FMO5: variants seen among roughly 807,000 people sequenced by gnomAD.
The protein encoded by FMO5 is flavin-containing monooxygenase 5.
FMO5 carries 51 observed loss-of-function variants against 43.6 expected under a neutral mutation model. The observed-to-expected ratio is 1.17, with a 90% CI of 0.93 to 1.48. FMO5 has a LOEUF of 1.48. Ranked by LOEUF, FMO5 falls within the 40% of genes most tolerant of loss-of-function variation. The pLI is 0.00. For synonymous variants in FMO5, 187 were observed against 216.5 expected (o/e 0.86, Z 1.20); for missense variants, 644 against 643.0 (o/e 1.00, Z -0.02).
chr1:147,188,069 G>A (rs1186843865), intron 8 of FMO5, among the ~76,000 whole-genome samples: 1 of 152,168 alleles, frequency 6.6e-6, no homozygotes, highest in Non-Finnish European at 1.5e-5. Context: ...CAGAGGACCT[G>A]ATAGAGGGTC....
intron 6 of FMO5, chr1:147,204,930 C>CT (rs1659708258): frequency 6.4e-7 from 1 of 1,554,716 alleles, no homozygotes; most frequent in East Asian, 2.2e-5. Flanking sequence ...CTTGAAGCGC[C>CT]ATGGCCAGCC....
At chr1:147,227,093 T>A (rs1664032482), upstream of FMO5, among the ~76,000 whole-genome samples, 3 of 152,284 alleles carry the variant, frequency 2.0e-5, no homozygotes, top group Non-Finnish European at 2.9e-5. Flanking sequence ...CCTCCCAAAG[T>A]GCTGGGATTA....
intron 5 of FMO5, chr1:147,210,265 T>C (rs1243895803): frequency 6.6e-6 from 1 of 152,224 alleles, no homozygotes; most frequent in Non-Finnish European, 1.5e-5. Context: ...ATAAGATTGC[T>C]AGTGGAACAA....
intron 6 of FMO5, among the ~76,000 whole-genome samples, chr1:147,206,725 G>C (rs913444866): frequency 6.6e-6 from 1 of 152,178 alleles, no homozygotes; most frequent in Non-Finnish European, 1.5e-5. Flanking sequence ...AGAACACTTG[G>C]ACACAGGAAG....
At chr1:147,222,954 C>T (rs1302047425) in intron 2 of FMO5, among the ~76,000 whole-genome samples, 1 of 152,182 alleles carries the variant, frequency 6.6e-6, no homozygotes, top group Non-Finnish European at 1.5e-5. Context: ...CCATCCTAGG[C>T]CTACTGAATA....
intron 2 of FMO5, among the ~76,000 whole-genome samples, chr1:147,220,323 TG>T (rs1263317178): frequency 6.6e-6 from 1 of 152,208 alleles, no homozygotes; most frequent in African/African-American, 2.4e-5. Flanking sequence ...AGAGATATTC[TG>T]ATTCATAGAC....
intron 7 of FMO5, among the ~76,000 whole-genome samples, chr1:147,194,202 G>T (rs1478363818): frequency 1.3e-5 from 2 of 152,126 alleles, no homozygotes; most frequent in Non-Finnish European, 2.9e-5. Context: ...TGCATTGGGT[G>T]CATATATATT....
chr1:147,189,262 G>C (rs1282845897), intron 8 of FMO5, among the ~76,000 whole-genome samples: 1 of 139,656 alleles, frequency 7.2e-6, no homozygotes. Context: ...GACAGAGTGA[G>C]ACTCCGTCTA....
chr1:147,188,428 C>T (rs1278372965), intron 8 of FMO5, among the ~76,000 whole-genome samples: 1 of 146,058 alleles, frequency 6.8e-6, no homozygotes, highest in East Asian at 2.1e-4. Flanking sequence ...GAGGCTGAGG[C>T]GGGAGAATTG....
intron 8 of FMO5, 87 bp from the exon 9 acceptor site, chr1:147,187,332 G>T: frequency 2.2e-6 from 2 of 900,328 alleles, no homozygotes; most frequent in Non-Finnish European, 3.4e-6. Flanking sequence ...CCTGCTATTG[G>T]CTCAATATCA....
chr1:147,222,199 A>C (rs1404843338), intron 2 of FMO5, among the ~76,000 whole-genome samples: 1 of 152,126 alleles, frequency 6.6e-6, no homozygotes, highest in African/African-American at 2.4e-5. Context: ...GTGAAACCCC[A>C]TCTTTACTAA....
In FMO5 at chr1:147,201,119, G is replaced by A. The variant is rs781797716; in HGVS notation, c.1183+33C>T. On this transcript the variant is annotated intron_variant, in intron 7 of 8. Transcript: ENST00000254090. ...TAAACAGAGGTAAACATATCACCAAGTAATTAAGTAGTCTATTTGCATGGT... is the reference window on the plus strand; with the variant it reads ...TAAACAGAGGTAAACATATCACCAAATAATTAAGTAGTCTATTTGCATGGT... 6 of 1,462,584 alleles carry A rather than the reference G, an allele frequency of 4.1e-6. No homozygotes were observed. The Admixed American group carries it at 5.6e-5, about 14-fold the overall frequency. 90.6% of individuals were successfully genotyped at this position (1,462,584 alleles called of 1,614,324 possible). A position where few individuals can be genotyped will look rare whatever the true frequency, so the allele number is the denominator to read the frequency against.
At chr1:147,211,729 A>C (rs1161195558) in intron 5 of FMO5, among the ~76,000 whole-genome samples, 1 of 152,220 alleles carries the variant, frequency 6.6e-6, no homozygotes, top group African/African-American at 2.4e-5. Context: ...TTCTCAGTTC[A>C]AAGTCTGCTA....
At chr1:147,203,140 T>A in intron 6 of FMO5, 1 of 466,610 alleles carries the variant, frequency 2.1e-6, no homozygotes, top group East Asian at 3.7e-5. Context: ...AGTAACAATA[T>A]GTTTATTATA....
At chr1:147,222,932 C>T (rs1195554924) in intron 2 of FMO5, among the ~76,000 whole-genome samples, 1 of 152,228 alleles carries the variant, frequency 6.6e-6, no homozygotes, top group African/African-American at 2.4e-5. Context: ...AAAGACACCA[C>T]ATGTGTGAGT....
intron 7 of FMO5, among the ~76,000 whole-genome samples, chr1:147,190,792 C>T (rs1367464328): frequency 1.3e-5 from 2 of 152,028 alleles, no homozygotes; most frequent in South Asian, 2.1e-4. Context: ...ATTAACTCGT[C>T]ATTTAGCATT....
At position 147,201,151 on chromosome 1, in the gene FMO5, C is replaced by G; in HGVS notation, c.1183+1G>C. On this transcript the variant is annotated splice_donor_variant, in intron 7 of 8. Coordinates refer to ENST00000254090, the MANE Select transcript of FMO5 (RefSeq NM_001461.4). LOFTEE classifies it high-confidence loss of function. ...AGTAGTCTATTTGCATGGTCACTTA[C>G]CTTTAAATACCTGAGTGGCCCAGCG... The G allele has an allele frequency of 1.2e-6, 2 of 1,604,400 alleles. No homozygotes were observed. The highest frequency in any genetic ancestry group is 1.7e-6 in the Non-Finnish European group (2 of 1,173,744).
chr1:147,187,798 A>C (rs1655895304), intron 8 of FMO5, among the ~76,000 whole-genome samples: 1 of 152,230 alleles, frequency 6.6e-6, no homozygotes, highest in African/African-American at 2.4e-5. Context: ...TATTACACCA[A>C]GTGCAGATTT....
At chr1:147,203,585 C>T (rs958569544) in intron 6 of FMO5, 16 of 1,068,310 alleles carry the variant, frequency 1.5e-5, no homozygotes, top group South Asian at 5.0e-5. Flanking sequence ...TGCCAGTGCA[C>T]GGGGAATAGC....
Sources: gnomAD v4.1 joint callset for allele counts (sites outside exome capture counted in the v4.1 genomes callset) on GRCh38, gnomAD v4.1.1 for gene constraint, MANE v1.5 for transcripts, NCBI Gene and HGNC (gene_info 2026-07-23, HGNC 2026-07-21) for gene names.